Variants in STARD6 observed in about 807,000 individuals in gnomAD.
The protein encoded by STARD6 is stAR-related lipid transfer protein 6.
In STARD6, 21 loss-of-function variants were observed where a neutral mutation model predicts 22.3. The ratio of observed to expected loss-of-function variants is 0.94; its 90% CI spans 0.67 to 1.35. STARD6 has a LOEUF of 1.35. Ranked by LOEUF, STARD6 falls within the 40% of genes most tolerant of loss-of-function variation. The pLI is 0.00. For missense variants in STARD6, 269 were observed against 266.9 expected (o/e 1.01, Z -0.05); for synonymous variants, 80 against 88.1 (o/e 0.91, Z 0.52).
chr18:54,341,544 T>A (rs533370884), intron 4 of STARD6, among the ~76,000 whole-genome samples: 127 of 152,308 alleles, frequency 8.3e-4, no homozygotes, highest in African/African-American at 3.0e-3. Flanking sequence ...AAAACAAGTC[T>A]CAAATTCAAG....
intron 4 of STARD6, among the ~76,000 whole-genome samples, chr18:54,345,350 A>T (rs1184454392): frequency 2.0e-5 from 3 of 147,402 alleles, no homozygotes. Context: ...AGAGTAAAAT[A>T]AAAAAAAATA....
At chr18:54,345,367 G>A (rs1026781337) in intron 4 of STARD6, among the ~76,000 whole-genome samples, 1 of 152,030 alleles carries the variant, frequency 6.6e-6, no homozygotes, top group East Asian at 1.9e-4. Context: ...AATAGAACAC[G>A]TTTAAGACAT....
At chr18:54,335,377 G>C (rs2088900026) in intron 5 of STARD6, among the ~76,000 whole-genome samples, 1 of 151,794 alleles carries the variant, frequency 6.6e-6, no homozygotes, top group Non-Finnish European at 1.5e-5. Flanking sequence ...TGTATTTTTA[G>C]TAGAATCGCG....
chr18:54,348,017 G>T (rs922876836), intron 4 of STARD6, among the ~76,000 whole-genome samples: 2 of 152,044 alleles, frequency 1.3e-5, no homozygotes, highest in African/African-American at 4.8e-5. Flanking sequence ...TTTATAAGGG[G>T]TTTCCCTTTT....
intron 4 of STARD6, among the ~76,000 whole-genome samples, chr18:54,350,725 T>G (rs911981232): frequency 1.3e-5 from 2 of 152,202 alleles, no homozygotes; most frequent in Non-Finnish European, 2.9e-5. Context: ...CCCAGCACCA[T>G]TTGTTGAATA....
chr18:54,349,866 A>G (rs115232554), intron 4 of STARD6, among the ~76,000 whole-genome samples: 10,320 of 152,182 alleles, frequency 0.068, 407 homozygotes, highest in African/African-American at 0.09. Flanking sequence ...AGTGTTCCAT[A>G]GTTTATATAT....
At chr18:54,329,258 A>G in intron 7 of STARD6, 89 bp downstream of exon 7, 2 of 1,044,746 alleles carry the variant, frequency 1.9e-6, no homozygotes, top group Non-Finnish European at 2.8e-6. Flanking sequence ...GCTGCTACAT[A>G]TTTCTACTGA....
intron 4 of STARD6, among the ~76,000 whole-genome samples, chr18:54,343,312 C>T (rs2088995826): frequency 7.4e-6 from 1 of 135,180 alleles, no homozygotes; most frequent in East Asian, 2.2e-4. Context: ...CAGCAGCCAC[C>T]CCATCTGGGA....
rs950741091 is a variant in STARD6 at position 54,329,335 on chromosome 18, A to G, written c.479+12T>C. Reference sequence around the variant, plus strand: ...AAACCTGTTAAAATAAATAAGTGCAAACAACACTTACTCTTCCATTGGTGA... The same window carrying G: ...AAACCTGTTAAAATAAATAAGTGCAGACAACACTTACTCTTCCATTGGTGA... On this transcript the variant is annotated intron_variant, in intron 7 of 7. Transcript: ENST00000307844. The G allele has an allele frequency of 1.3e-6, 2 of 1,556,532 alleles. No homozygotes were observed. The highest frequency in any genetic ancestry group is 4.1e-5 in the Admixed American group (2 of 48,244).
rs868039857 is a variant in STARD6, at chr18:54,339,067, A to C, written c.141-1816T>G. ...ATCAAAAAAAAAAAAAAAAAAAAAA[A>C]AAAAAAAAAAAAACTCAAAGCAATG... On this transcript the variant is annotated intron_variant, in intron 4 of 7. Coordinates refer to ENST00000307844, the MANE Select transcript of STARD6 (RefSeq NM_139171.2). Among the ~76,000 whole-genome samples the C allele has an allele frequency of 4.3e-4, 64 of 147,330 alleles. 1 individual carries two copies. The highest frequency in any genetic ancestry group is 1.1e-3 in the African/African-American group (46 of 40,058).
At chr18:54,338,776 G>A (rs566690384) in intron 4 of STARD6, among the ~76,000 whole-genome samples, 9 of 151,760 alleles carry the variant, frequency 5.9e-5, no homozygotes, top group South Asian at 2.1e-4. Context: ...TTGGACGGGC[G>A]CAGTGGCTCA....
At chr18:54,354,931 T>C (rs2089131032) in intron 2 of STARD6, among the ~76,000 whole-genome samples, 2 of 152,256 alleles carry the variant, frequency 1.3e-5, no homozygotes, top group African/African-American at 4.8e-5. Context: ...TGAGATGATA[T>C]GCTTAAGGTT....
Position 54,332,720 on chromosome 18 carries a change from C to A in STARD6, c.268-861G>T, listed in dbSNP as rs372037467. On this transcript the variant is annotated intron_variant, in intron 5 of 7. Transcript: ENST00000307844. Reference sequence around the variant, plus strand: ...CCCTAGAGTGGGAATCTCTCCCTCACCAGTAGGTTGAAGAGGAGGCAGTTA... The same window carrying A: ...CCCTAGAGTGGGAATCTCTCCCTCAACAGTAGGTTGAAGAGGAGGCAGTTA... Among the ~76,000 whole-genome samples, 3 of 152,142 alleles carry A rather than the reference C, an allele frequency of 2.0e-5. No homozygotes were observed. In the East Asian group the frequency reaches 5.8e-4, roughly 29 times the overall value.
At chr18:54,329,504 C>G (rs1347236491) in intron 6 of STARD6, 64 bp from the exon 7 acceptor site, 2 of 1,309,590 alleles carry the variant, frequency 1.5e-6, no homozygotes, top group African/African-American at 3.0e-5. Context: ...TTTCCAGCAG[C>G]ATATTTTTAG....
intron 4 of STARD6, among the ~76,000 whole-genome samples, chr18:54,348,877 G>T (rs1568173580): frequency 6.6e-6 from 1 of 152,080 alleles, no homozygotes. Context: ...AGGCATAAGT[G>T]TTGAAAAATT....
At chr18:54,334,824 A>G (rs1212372739) in intron 5 of STARD6, among the ~76,000 whole-genome samples, 7 of 152,066 alleles carry the variant, frequency 4.6e-5, no homozygotes, top group Admixed American at 4.6e-4. Context: ...AAAACTGTTT[A>G]TTTGTTTATT....
intron 4 of STARD6, among the ~76,000 whole-genome samples, chr18:54,345,366 C>A (rs200261883): frequency 3.3e-5 from 5 of 151,980 alleles, no homozygotes; most frequent in East Asian, 3.9e-4. Context: ...AAATAGAACA[C>A]GTTTAAGACA....
intron 4 of STARD6, among the ~76,000 whole-genome samples, chr18:54,345,978 G>T (rs1373314044): frequency 1.3e-5 from 2 of 152,122 alleles, no homozygotes; most frequent in Non-Finnish European, 2.9e-5. Context: ...TAAATTCTTA[G>T]GGATAAATCT....
intron 4 of STARD6, among the ~76,000 whole-genome samples, chr18:54,348,996 T>C (rs1195969445): frequency 6.6e-6 from 1 of 152,132 alleles, no homozygotes; most frequent in Non-Finnish European, 1.5e-5. Flanking sequence ...TTATTAAGTG[T>C]CTTGGTGAGA....
Sources: allele counts gnomAD v4.1 joint callset (sites outside exome capture counted in the v4.1 genomes callset), GRCh38; gene constraint gnomAD v4.1.1; transcripts MANE v1.5; gene names NCBI Gene and HGNC (gene_info 2026-07-23, HGNC 2026-07-21).